The following GNAQ variants were observed in gnomAD, a reference collection of about 807,000 sequenced individuals.
The protein encoded by GNAQ is guanine nucleotide-binding protein G(q) subunit alpha.
In GNAQ, 8 loss-of-function variants were observed where a neutral mutation model predicts 43.9. The observed-to-expected ratio is 0.18, with a 90% CI of 0.11 to 0.33. The LOEUF (loss-of-function observed/expected upper bound fraction) is 0.33, where lower values mean the gene tolerates loss of function less well. Among genes scored for constraint, GNAQ ranks in the 10% least tolerant of loss-of-function variants. The pLI is 1.00. For missense variants in GNAQ, 158 were observed against 450.8 expected (o/e 0.35, Z 5.88); for synonymous variants, 155 against 170.7 (o/e 0.91, Z 0.71).
intron 2 of GNAQ, among the ~76,000 whole-genome samples, chr9:77,861,844 A>G (rs1215663118): frequency 6.6e-6 from 1 of 151,940 alleles, no homozygotes; most frequent in Non-Finnish European, 1.5e-5. Context: ...TACTAAAAAT[A>G]CAAAAATTAG....
intron 5 of GNAQ, among the ~76,000 whole-genome samples, chr9:77,731,955 C>T (rs746808257): frequency 1.3e-5 from 2 of 152,070 alleles, no homozygotes; most frequent in Non-Finnish European, 2.9e-5. Context: ...ATTCCTTATG[C>T]CTTTATTTTT....
chr9:77,886,043 C>T (rs1267451474), intron 2 of GNAQ, among the ~76,000 whole-genome samples: 2 of 152,130 alleles, frequency 1.3e-5, no homozygotes, highest in African/African-American at 4.8e-5. Context: ...GTGGCACGAT[C>T]TCGGTTCACT....
chr9:77,765,595 G>A (rs1363382229), intron 5 of GNAQ, among the ~76,000 whole-genome samples: 1 of 152,120 alleles, frequency 6.6e-6, no homozygotes, highest in Non-Finnish European at 1.5e-5. Flanking sequence ...ATTTTTAAAA[G>A]AAAAACAGGA....
At chr9:77,851,384 CT>C (rs1210796059) in intron 2 of GNAQ, among the ~76,000 whole-genome samples, 3 of 152,124 alleles carry the variant, frequency 2.0e-5, no homozygotes, top group South Asian at 4.1e-4. Flanking sequence ...GATAAGGTTT[CT>C]GATATGTGTC....
At chr9:77,943,292 A>T (rs1230083785) in intron 1 of GNAQ, among the ~76,000 whole-genome samples, 1 of 152,246 alleles carries the variant, frequency 6.6e-6, no homozygotes, top group Non-Finnish European at 1.5e-5. Context: ...TACAAACCAC[A>T]AAAGAAACTT....
chr9:77,737,668 C>G (rs149792188), intron 5 of GNAQ, among the ~76,000 whole-genome samples: 22 of 152,294 alleles, frequency 1.4e-4, no homozygotes, highest in Non-Finnish European at 2.8e-4. Context: ...AACAGAGCAG[C>G]CTTGGGATAT....
chr9:77,830,206 G>A (rs1435597504), intron 2 of GNAQ, among the ~76,000 whole-genome samples: 1 of 152,132 alleles, frequency 6.6e-6, no homozygotes, highest in East Asian at 1.9e-4. Context: ...TTCTATCTTG[G>A]TCTCTCAAAG....
At chr9:77,889,611 T>A (rs112983678) in intron 2 of GNAQ, among the ~76,000 whole-genome samples, 14 of 152,146 alleles carry the variant, frequency 9.2e-5, no homozygotes, top group African/African-American at 3.4e-4. Flanking sequence ...AGATCCCTAG[T>A]GATGCTGCAA....
chr9:77,936,467 T>C (rs927000266), intron 1 of GNAQ, among the ~76,000 whole-genome samples: 1 of 152,194 alleles, frequency 6.6e-6, no homozygotes, highest in Non-Finnish European at 1.5e-5. Context: ...CCAACTGTCT[T>C]ATATGCAACC....
At chr9:77,936,507 G>C (rs1471633537) in intron 1 of GNAQ, among the ~76,000 whole-genome samples, 1 of 152,132 alleles carries the variant, frequency 6.6e-6, no homozygotes, top group Admixed American at 6.5e-5. Flanking sequence ...TCATAGAAAA[G>C]ATAAAAAAGT....
intron 5 of GNAQ, among the ~76,000 whole-genome samples, chr9:77,746,112 A>G (rs1433495329): frequency 2.0e-5 from 3 of 152,228 alleles, no homozygotes; most frequent in Admixed American, 6.5e-5. Context: ...AGAATGATTT[A>G]TATCTGAGTC....
At chr9:77,954,882 G>A (rs779355817) in intron 1 of GNAQ, among the ~76,000 whole-genome samples, 50 of 152,148 alleles carry the variant, frequency 3.3e-4, no homozygotes, top group Non-Finnish European at 5.9e-4. Context: ...TCTGAGGAAG[G>A]CAATAGTAGT....
chr9:77,948,304 T>C (rs1822930197), intron 1 of GNAQ, among the ~76,000 whole-genome samples: 1 of 152,218 alleles, frequency 6.6e-6, no homozygotes, highest in African/African-American at 2.4e-5. Context: ...GATGAAGAAT[T>C]GCATCCAAAT....
At chr9:77,798,627 C>T (rs1264148464) in intron 3 of GNAQ, among the ~76,000 whole-genome samples, 1 of 152,166 alleles carries the variant, frequency 6.6e-6, no homozygotes. Flanking sequence ...CTCAAGTCCT[C>T]CATATAAAAT....
At chr9:77,762,239 G>T (rs1306773047) in intron 5 of GNAQ, among the ~76,000 whole-genome samples, 53 of 143,202 alleles carry the variant, frequency 3.7e-4, no homozygotes, top group Admixed American at 1.5e-3. Flanking sequence ...GCCCCTTCCG[G>T]GAGGGAGGTT....
intron 5 of GNAQ, among the ~76,000 whole-genome samples, chr9:77,791,082 T>C (rs1826563777): frequency 6.6e-6 from 1 of 152,166 alleles, no homozygotes; most frequent in African/African-American, 2.4e-5. Flanking sequence ...ATCTTGACGT[T>C]TTAATAAAAT....
intron 1 of GNAQ, among the ~76,000 whole-genome samples, chr9:77,991,546 A>G (rs1004474027): frequency 6.6e-6 from 1 of 152,064 alleles, no homozygotes; most frequent in African/African-American, 2.4e-5. Flanking sequence ...TCCTTTCAGT[A>G]TTCCCCTCCC....
intron 2 of GNAQ, among the ~76,000 whole-genome samples, chr9:77,917,859 C>A (rs934565142): frequency 1.3e-5 from 2 of 152,150 alleles, no homozygotes; most frequent in Non-Finnish European, 2.9e-5. Flanking sequence ...GCAAAAAGTA[C>A]AAGAACAGGA....
intron 1 of GNAQ, among the ~76,000 whole-genome samples, chr9:77,963,172 A>C (rs1823126588): frequency 6.6e-6 from 1 of 152,214 alleles, no homozygotes; most frequent in Admixed American, 6.5e-5. Flanking sequence ...TGCCCCAAAG[A>C]AATCAGCAGT....
Sources: allele counts gnomAD v4.1 joint callset (sites outside exome capture counted in the v4.1 genomes callset), GRCh38; gene constraint gnomAD v4.1.1; transcripts MANE v1.5; gene names NCBI Gene and HGNC (gene_info 2026-07-23, HGNC 2026-07-21).